CYP4X1: variants seen among roughly 807,000 people sequenced by gnomAD.
The protein encoded by CYP4X1 is cytochrome P450 family 4 subfamily X member 1.
CYP4X1 carries 44 observed loss-of-function variants against 57.9 expected under a neutral mutation model. The ratio of observed to expected loss-of-function variants is 0.76; its 90% CI spans 0.60 to 0.98. CYP4X1 has a LOEUF of 0.98. Among genes scored for constraint, CYP4X1 ranks in the 50% least tolerant of loss-of-function variants. The pLI, the probability that CYP4X1 is intolerant of heterozygous loss-of-function variation, is 0.00. For synonymous variants in CYP4X1, 227 were observed against 228.6 expected (o/e 0.99, Z 0.06); for missense variants, 532 against 623.9 (o/e 0.85, Z 1.57).
downstream of CYP4X1, among the ~76,000 whole-genome samples, chr1:47,052,320 A>G (rs1324487079): frequency 6.6e-6 from 1 of 152,166 alleles, no homozygotes; most frequent in African/African-American, 2.4e-5. Context: ...TTGTTAAATA[A>G]GAAGACAGAA....
At chr1:47,004,599 C>CT in the CYP4X1 span, among the ~76,000 whole-genome samples, 2,700 of 149,450 alleles carry the variant, frequency 0.018, 55 homozygotes, top group East Asian at 0.047. Flanking sequence ...GTCTTTTTGC[C>CT]TTTTTTTTTT....
At chr1:47,027,010 C>T (rs1022707519) in intron 1 of CYP4X1, among the ~76,000 whole-genome samples, 7 of 152,296 alleles carry the variant, frequency 4.6e-5, no homozygotes, top group Non-Finnish European at 8.8e-5. Context: ...CCACCACTCC[C>T]GGCTTTCTTT....
the CYP4X1 span, among the ~76,000 whole-genome samples, chr1:46,980,715 C>T: frequency 6.6e-6 from 1 of 152,172 alleles, no homozygotes; most frequent in Non-Finnish European, 1.5e-5. Context: ...CATCATACTA[C>T]CTGACTTCAA....
intron 10 of CYP4X1, among the ~76,000 whole-genome samples, chr1:47,048,920 AT>A (rs1644331651): frequency 6.6e-6 from 1 of 152,186 alleles, no homozygotes; most frequent in African/African-American, 2.4e-5. Context: ...TTTTGACTTG[AT>A]TTCTAAGTGG....
the CYP4X1 span, among the ~76,000 whole-genome samples, chr1:46,996,168 G>C: frequency 6.6e-6 from 1 of 152,192 alleles, no homozygotes; most frequent in Non-Finnish European, 1.5e-5. Flanking sequence ...AAAGAAATCT[G>C]ATATTGTACA....
chr1:47,048,485 A>G (rs751228746), intron 9 of CYP4X1, 80 bp from the exon 10 acceptor site: 7 of 1,477,026 alleles, frequency 4.7e-6, no homozygotes, highest in Non-Finnish European at 6.6e-6. Flanking sequence ...CCCTTCAAGA[A>G]CAAAAGTCTT....
At chr1:46,976,878 G>A in the CYP4X1 span, among the ~76,000 whole-genome samples, 5 of 152,168 alleles carry the variant, frequency 3.3e-5, no homozygotes, top group African/African-American at 4.8e-5. Flanking sequence ...AGCAGCTGAG[G>A]GACCTGACTG....
At chr1:47,027,547 G>A (rs1644083606) in intron 1 of CYP4X1, among the ~76,000 whole-genome samples, 1 of 152,106 alleles carries the variant, frequency 6.6e-6, no homozygotes, top group Admixed American at 6.6e-5. Context: ...ATACATTATT[G>A]TTAACAGTGC....
Position 47,025,211 on chromosome 1 carries a change from G to T in CYP4X1, c.177+1217G>T, listed in dbSNP as rs115955363. On this transcript the variant is annotated intron_variant, in intron 1 of 11. Coordinates refer to ENST00000371901, the MANE Select transcript of CYP4X1 (RefSeq NM_178033.2). The stretch of plus-strand genomic sequence containing the variant: ...CCCCCAGAACTGATTGTTGAAAAGA[G>T]CCTGCCACCTCCTCCCCTCTCTCTT... Among the ~76,000 whole-genome samples the T allele has an allele frequency of 7.8e-3, 1,184 of 152,148 alleles. 7 individuals carry two copies. Among genetic ancestry groups the T allele is most frequent in the Middle Eastern group, 0.044 (13 of 294 alleles).
chr1:47,038,223 T>A (rs938758648), intron 6 of CYP4X1, among the ~76,000 whole-genome samples: 3 of 152,210 alleles, frequency 2.0e-5, no homozygotes, highest in South Asian at 2.1e-4. Flanking sequence ...TGAAATTTTT[T>A]AAATAGTAAA....
At chr1:47,054,365 T>C (rs1428048661), downstream of CYP4X1, among the ~76,000 whole-genome samples, 1 of 152,186 alleles carries the variant, frequency 6.6e-6, no homozygotes, top group Non-Finnish European at 1.5e-5. Flanking sequence ...TGCCTCCAGC[T>C]TTGTTCTTTT....
chr1:46,988,315 C>T, the CYP4X1 span, among the ~76,000 whole-genome samples: 1 of 151,696 alleles, frequency 6.6e-6, no homozygotes, highest in Non-Finnish European at 1.5e-5. Flanking sequence ...GGACACATAC[C>T]CCCTCCCAAG....
At chr1:46,971,159 A>T in the CYP4X1 span, among the ~76,000 whole-genome samples, 1 of 152,166 alleles carries the variant, frequency 6.6e-6, no homozygotes, top group African/African-American at 2.4e-5. Flanking sequence ...GCTCCCACTT[A>T]TAAGTGAGAA....
chr1:46,967,587 C>T, the CYP4X1 span: 1 of 289,504 alleles, frequency 3.5e-6, no homozygotes, highest in South Asian at 1.2e-4. Context: ...GGGAAGAAGG[C>T]AGGTGGGCCG....
chr1:47,038,615 G>T, intron 6 of CYP4X1, 45 bp from the exon 7 acceptor site: 1 of 1,468,446 alleles, frequency 6.8e-7, no homozygotes, highest in South Asian at 1.3e-5. Flanking sequence ...TAATTTATTT[G>T]ACTTTGCCAT....
intron 1 of CYP4X1, among the ~76,000 whole-genome samples, chr1:47,024,897 T>A (rs1644045240): frequency 6.6e-6 from 1 of 152,214 alleles, no homozygotes; most frequent in Non-Finnish European, 1.5e-5. Context: ...CTAGTCTTTC[T>A]TATATAAAGC....
chr1:47,037,718 A>G (rs2148510855), intron 6 of CYP4X1, among the ~76,000 whole-genome samples: 1 of 152,256 alleles, frequency 6.6e-6, no homozygotes, highest in Admixed American at 6.5e-5. Flanking sequence ...CAGGGCCCCC[A>G]GTTGAGAACC....
At chr1:47,026,858 C>G (rs1644071917) in intron 1 of CYP4X1, among the ~76,000 whole-genome samples, 1 of 152,084 alleles carries the variant, frequency 6.6e-6, no homozygotes, top group Non-Finnish European at 1.5e-5. Context: ...GCTGGGACTA[C>G]AGGCACATGC....
chr1:46,990,742 C>G, the CYP4X1 span, among the ~76,000 whole-genome samples: 1 of 152,140 alleles, frequency 6.6e-6, no homozygotes, highest in African/African-American at 2.4e-5. Context: ...GAGTTCATGT[C>G]CTTCCCAGGG....
Sources: gnomAD v4.1 joint callset for allele counts (sites outside exome capture counted in the v4.1 genomes callset) on GRCh38, gnomAD v4.1.1 for gene constraint, MANE v1.5 for transcripts, NCBI Gene and HGNC (gene_info 2026-07-23, HGNC 2026-07-21) for gene names.